POLE2: variants seen among roughly 807,000 people sequenced by gnomAD.
POLE2 encodes the protein DNA polymerase epsilon 2, accessory subunit, also known as DNA polymerase epsilon subunit 2.
Under a neutral mutation model 79.4 loss-of-function variants are expected in POLE2, and 56 were observed. The observed-to-expected ratio is 0.71, with a 90% CI of 0.57 to 0.88. The LOEUF (loss-of-function observed/expected upper bound fraction) is 0.88. Ranked by LOEUF, POLE2 falls within the 40% of genes least tolerant of loss-of-function variation. The pLI is 0.00. For missense variants in POLE2, 598 were observed against 638.9 expected (o/e 0.94, Z 0.69); for synonymous variants, 212 against 214.0 (o/e 0.99, Z 0.08).
At position 49,688,195 on chromosome 14, in the gene POLE2, C is replaced by G; in HGVS notation, c.9G>C (p.Pro3=). Residue 3 remains proline (P), a synonymous_variant, in exon 1 of 19, where the codon CCG becomes CCC. Transcript: ENST00000216367. MA[P]ERLRSRALSA... ...AGAGCGCCCGGCTCCGCAGCCGCTC[C>G]GGCGCCATATTTGCGATTTGGCGCC... 6.5e-7 allele frequency: 1 copy of G among 1,531,616 alleles called. No individual in the cohort carries two copies. The allele number at this position is 1,531,616 out of a possible 1,614,324, so 94.9% of individuals were successfully genotyped here.
chr14:49,652,165 C>G (rs562549450), intron 15 of POLE2, among the ~76,000 whole-genome samples: 1 of 38,624 alleles, frequency 2.6e-5, no homozygotes, highest in Admixed American at 2.4e-4. Flanking sequence ...GAATAGAATA[C>G]GGAGAGGAGA....
chr14:49,686,507 G>A lies in POLE2; in HGVS notation c.68+1629C>T, dbSNP rs537878189. On this transcript the variant is annotated intron_variant, in intron 1 of 18. Coordinates refer to ENST00000216367, the MANE Select transcript of POLE2 (RefSeq NM_002692.4). ...GATGATCCATCTTGACTGCAACCTT[G>A]TGAAAAGACCCTGAAGTTGAGGACC... 2.5e-4 allele frequency among the ~76,000 whole-genome samples: 38 copies of A among 152,292 alleles called. No homozygotes were observed. In the South Asian group the frequency reaches 5.6e-3, roughly 22 times the overall value.
intron 1 of POLE2, among the ~76,000 whole-genome samples, chr14:49,685,893 C>T (rs1208803356): frequency 1.3e-5 from 2 of 152,070 alleles, no homozygotes; most frequent in Non-Finnish European, 2.9e-5. Flanking sequence ...TCCCAAAGTG[C>T]TGGGATTACA....
chr14:49,666,631 GA>G (rs1269565164), intron 6 of POLE2, among the ~76,000 whole-genome samples: 1 of 152,108 alleles, frequency 6.6e-6, no homozygotes, highest in African/African-American at 2.4e-5. Context: ...GATGCCTAAA[GA>G]AACACCACAT....
intron 17 of POLE2, chr14:49,650,025 T>C (rs913962030): frequency 2.9e-5 from 7 of 241,242 alleles, no homozygotes; most frequent in Non-Finnish European, 5.5e-5. Context: ...TATGTTTTGG[T>C]ATGCTTGTGG....
chr14:49,686,571 T>C (rs1887152599), intron 1 of POLE2, among the ~76,000 whole-genome samples: 1 of 152,070 alleles, frequency 6.6e-6, no homozygotes, highest in Non-Finnish European at 1.5e-5. Context: ...CACAGAAAAT[T>C]TGAGATAATG....
chr14:49,671,461 C>T (rs567813925), intron 5 of POLE2, among the ~76,000 whole-genome samples: 1 of 151,580 alleles, frequency 6.6e-6, no homozygotes, highest in Non-Finnish European at 1.5e-5. Context: ...ACTAAAAATA[C>T]AAAAAATTAG....
chr14:49,658,480 G>A (rs1433248597), intron 10 of POLE2, among the ~76,000 whole-genome samples: 1 of 152,162 alleles, frequency 6.6e-6, no homozygotes, highest in African/African-American at 2.4e-5. Context: ...TTGCTGTTCT[G>A]CTAAGCATAA....
intron 3 of POLE2, among the ~76,000 whole-genome samples, chr14:49,676,592 T>A (rs79143787): frequency 6.6e-6 from 1 of 152,232 alleles, no homozygotes; most frequent in East Asian, 1.9e-4. Context: ...CTATAACATA[T>A]AAACAGCCTG....
At chr14:49,644,240 G>C (rs1053965248) in intron 18 of POLE2, among the ~76,000 whole-genome samples, 12 of 150,992 alleles carry the variant, frequency 7.9e-5, no homozygotes, top group Non-Finnish European at 1.8e-4. Flanking sequence ...GCCGGGCGCG[G>C]TGGCTCACGC....
chr14:49,676,520 G>A (rs1187173756), intron 3 of POLE2, among the ~76,000 whole-genome samples: 1 of 152,214 alleles, frequency 6.6e-6, no homozygotes, highest in Non-Finnish European at 1.5e-5. Flanking sequence ...ATGACTCTCT[G>A]ACAATTGAAG....
intron 13 of POLE2, 53 bp downstream of exon 13, chr14:49,654,731 G>GT (rs3218793): frequency 0.019 from 23,162 of 1,202,698 alleles, 146 homozygotes; most frequent in African/African-American, 0.07. Context: ...TTCATTTTTT[G>GT]TTTTTTTTTT....
intron 3 of POLE2, chr14:49,677,715 T>C: frequency 7.2e-7 from 1 of 1,389,430 alleles, no homozygotes; most frequent in East Asian, 2.6e-5. Context: ...AGTGTGGCCC[T>C]TGCTGTGCAG....
At chr14:49,673,033 A>G (rs1886009465) in intron 5 of POLE2, among the ~76,000 whole-genome samples, 1 of 151,966 alleles carries the variant, frequency 6.6e-6, no homozygotes, top group Non-Finnish European at 1.5e-5. Flanking sequence ...ATTTTTCTAT[A>G]TTCTACTCTC....
rs368608405 is a variant in POLE2 at position 49,688,199 on chromosome 14, G to A, written c.5C>T (p.Ala2Val). The A allele has an allele frequency of 2.6e-6, 4 of 1,528,328 alleles. No individual in the cohort carries two copies. In the African/African-American group the frequency reaches 4.3e-5, roughly 16 times the overall value. The allele number at this position is 1,528,328 out of a possible 1,614,324, so 94.7% of individuals were successfully genotyped here. A position where few individuals can be genotyped will look rare whatever the true frequency, so the allele number is the denominator to read the frequency against. Residue 2 changes from alanine (A) to valine (V), a missense_variant, in exon 1 of 19, where the codon GCG becomes GTG. By Grantham distance (64) the Ala-to-Val change is moderately conservative (BLOSUM62 0). Coordinates refer to ENST00000216367, the MANE Select transcript of POLE2 (RefSeq NM_002692.4). The stretch of plus-strand genomic sequence containing the variant: ...CGCCCGGCTCCGCAGCCGCTCCGGC[G>A]CCATATTTGCGATTTGGCGCCACCG... Reference protein sequence around the residue: MAPERLRSRALS... With the variant: MVPERLRSRALS...
At chr14:49,678,742 C>A (rs1433705444) in intron 3 of POLE2, among the ~76,000 whole-genome samples, 2 of 152,050 alleles carry the variant, frequency 1.3e-5, no homozygotes, top group African/African-American at 4.8e-5. Context: ...CTGTAACCAC[C>A]ACCTCGCAGG....
intron 1 of POLE2, among the ~76,000 whole-genome samples, chr14:49,685,787 T>C (rs1437133966): frequency 2.0e-5 from 3 of 150,048 alleles, no homozygotes; most frequent in East Asian, 1.9e-4. Flanking sequence ...TCTGGCTGGT[T>C]GGTTTTTTTT....
intron 18 of POLE2, among the ~76,000 whole-genome samples, chr14:49,645,858 C>G (rs902470480): frequency 4.6e-5 from 7 of 152,136 alleles, no homozygotes; most frequent in Non-Finnish European, 7.4e-5. Flanking sequence ...GTCTTAAACT[C>G]CTGACTTAAG....
chr14:49,683,726 A>T lies in POLE2; in HGVS notation c.69-33T>A, dbSNP rs150138973. On this transcript the variant is annotated intron_variant, in intron 1 of 18. Coordinates refer to ENST00000216367, the MANE Select transcript of POLE2 (RefSeq NM_002692.4). ...AAGGAAAGGAAAAATGAGGCAGGTCATTAGTAATTAAAGGCTAAAAGTTTT... is the reference window on the plus strand; with the variant it reads ...AAGGAAAGGAAAAATGAGGCAGGTCTTTAGTAATTAAAGGCTAAAAGTTTT... 9.0e-4 allele frequency: 1,002 copies of T among 1,108,794 alleles called. 2 individuals are homozygous for T. The Middle Eastern group carries it at 1.0e-2, about 11-fold the overall frequency. The allele number at this position is 1,108,794 out of a possible 1,614,324, so 68.7% of individuals were successfully genotyped here. A position where few individuals can be genotyped will look rare whatever the true frequency, so the allele number is the denominator to read the frequency against.
Sources: gnomAD v4.1 joint callset for allele counts (sites outside exome capture counted in the v4.1 genomes callset) on GRCh38, gnomAD v4.1.1 for gene constraint, MANE v1.5 for transcripts, NCBI Gene and HGNC (gene_info 2026-07-23, HGNC 2026-07-21) for gene names.